Variants in SRGAP1 observed in about 807,000 individuals in gnomAD.
SRGAP1 encodes SLIT-ROBO Rho GTPase-activating protein 1.
Under a neutral mutation model 121.9 loss-of-function variants are expected in SRGAP1, and 43 were observed. The ratio of observed to expected loss-of-function variants is 0.35; its 90% CI spans 0.28 to 0.46. SRGAP1 has a LOEUF of 0.46. Ranked by LOEUF, SRGAP1 falls within the 20% of genes least tolerant of loss-of-function variation. SRGAP1 has a pLI of 1.00. For synonymous variants in SRGAP1, 447 were observed against 485.4 expected, an observed-to-expected ratio of 0.92 and a Z score of 1.04; for missense variants, 1,102 against 1,350.9, an observed-to-expected ratio of 0.82 and a Z score of 2.89.
chr12:63,950,749 T>G (rs551588407), intron 1 of SRGAP1, among the ~76,000 whole-genome samples: 4 of 152,216 alleles, frequency 2.6e-5, no homozygotes, highest in Non-Finnish European at 5.9e-5. Context: ...TGACATTCTC[T>G]AAATGGAGCA....
intron 1 of SRGAP1, among the ~76,000 whole-genome samples, chr12:63,866,038 G>C (rs567508745): frequency 6.8e-6 from 1 of 148,064 alleles, no homozygotes; most frequent in South Asian, 2.2e-4. Flanking sequence ...AGTAAGAGAA[G>C]ACAACACTTC....
intron 1 of SRGAP1, among the ~76,000 whole-genome samples, chr12:63,963,131 G>A (rs1279124342): frequency 6.6e-6 from 1 of 152,100 alleles, no homozygotes; most frequent in Non-Finnish European, 1.5e-5. Flanking sequence ...TGTATGGGAT[G>A]AATATGTTCA....
At chr12:64,003,534 ATAAC>A (rs1169891808) in intron 3 of SRGAP1, among the ~76,000 whole-genome samples, 1 of 151,904 alleles carries the variant, frequency 6.6e-6, no homozygotes, top group African/African-American at 2.4e-5. Context: ...GAAAAATGCT[ATAAC>A]TAAAACAACA....
intron 4 of SRGAP1, among the ~76,000 whole-genome samples, chr12:64,040,624 A>G (rs1250440524): frequency 1.3e-5 from 2 of 152,190 alleles, no homozygotes; most frequent in African/African-American, 4.8e-5. Context: ...TTATATTGGA[A>G]AAATTATGAT....
intron 8 of SRGAP1, among the ~76,000 whole-genome samples, chr12:64,074,682 A>G (rs2035702332): frequency 6.6e-6 from 1 of 152,146 alleles, no homozygotes. Context: ...CTGTTTTCTT[A>G]CATGTTTGTC....
chr12:63,861,729 G>A (rs866765673), intron 1 of SRGAP1, among the ~76,000 whole-genome samples: 2 of 152,038 alleles, frequency 1.3e-5, no homozygotes, highest in African/African-American at 4.8e-5. Context: ...GGCTTATTCC[G>A]TAATCCCAAC....
intron 1 of SRGAP1, among the ~76,000 whole-genome samples, chr12:63,891,362 C>G (rs867809155): frequency 3.3e-5 from 5 of 152,212 alleles, no homozygotes; most frequent in Admixed American, 6.5e-5. Context: ...TCATACCGTT[C>G]TTTCCTACCA....
At chr12:64,119,014 T>G (rs1017615917) in intron 18 of SRGAP1, among the ~76,000 whole-genome samples, 2 of 152,156 alleles carry the variant, frequency 1.3e-5, no homozygotes, top group Admixed American at 6.5e-5. Flanking sequence ...GCCCCATATA[T>G]TCTTTTAAAT....
At chr12:63,867,826 T>C (rs1374052466) in intron 1 of SRGAP1, among the ~76,000 whole-genome samples, 2 of 151,462 alleles carry the variant, frequency 1.3e-5, no homozygotes, top group East Asian at 3.9e-4. Context: ...CAGATTAAAA[T>C]CTTGCAAAGC....
chr12:64,033,656 TG>T (rs1488182307), intron 4 of SRGAP1, among the ~76,000 whole-genome samples: 1 of 150,898 alleles, frequency 6.6e-6, no homozygotes, highest in Non-Finnish European at 1.5e-5. Context: ...AGGCGGAGGT[TG>T]CAGTGAGCCG....
rs780416426 is a variant in SRGAP1, at chr12:64,127,655, C to T, written c.2471C>T (p.Thr824Met). ...AGTGAGGCCAGCAGTGGGCCAGTCA[C>T]GGAAGACAAGTCCTCATCCAAGGAC... Reference protein sequence around the residue: ...ADSEASSGPVTEDKSSSKDMN... With the variant: ...ADSEASSGPVMEDKSSSKDMN... Residue 824 changes from threonine (T) to methionine (M), a missense_variant, in exon 20 of 22, where the codon ACG becomes ATG. Around this residue, in one of 3 missense-constraint regions of SRGAP1, gnomAD observed 40 missense variants for 78.4 expected, o/e 0.51. Transcript: ENST00000355086. The T allele has an allele frequency of 1.1e-5, 18 of 1,614,054 alleles. No individual in the cohort carries two copies. The highest frequency in any genetic ancestry group is 4.4e-5 in the South Asian group (4 of 91,074).
At chr12:64,017,352 G>T (rs571555867) in intron 4 of SRGAP1, among the ~76,000 whole-genome samples, 1 of 152,090 alleles carries the variant, frequency 6.6e-6, no homozygotes, top group East Asian at 1.9e-4. Context: ...TATTGAATTC[G>T]AGAATATTTT....
chr12:63,864,653 T>C (rs1294312986), intron 1 of SRGAP1, among the ~76,000 whole-genome samples: 1 of 152,208 alleles, frequency 6.6e-6, no homozygotes, highest in Non-Finnish European at 1.5e-5. Flanking sequence ...TATGTGAAAG[T>C]ATTACCACTT....
At chr12:63,948,883 CATAT>C (rs60933928) in intron 1 of SRGAP1, among the ~76,000 whole-genome samples, 1,433 of 58,812 alleles carry the variant, frequency 0.024, 35 homozygotes, top group Non-Finnish European at 0.036. Context: ...ATATATTTTC[CATAT>C]ATATATATTC....
chr12:63,924,918 A>G (rs2031199731), intron 1 of SRGAP1, among the ~76,000 whole-genome samples: 1 of 152,190 alleles, frequency 6.6e-6, no homozygotes, highest in Non-Finnish European at 1.5e-5. Flanking sequence ...TAAGAAATGA[A>G]TTAATTTAAA....
chr12:64,025,886 G>C (rs2034642860), intron 4 of SRGAP1, among the ~76,000 whole-genome samples: 1 of 152,054 alleles, frequency 6.6e-6, no homozygotes, highest in African/African-American at 2.4e-5. Context: ...AGAATGATCG[G>C]GATTAATAAA....
intron 1 of SRGAP1, among the ~76,000 whole-genome samples, chr12:63,954,207 A>G (rs1461130070): frequency 6.6e-6 from 1 of 152,230 alleles, no homozygotes; most frequent in African/African-American, 2.4e-5. Context: ...AGTTTTATAT[A>G]ACTCTATTAG....
In SRGAP1 at chr12:63,853,799, G is replaced by GT. The variant is rs554856202; in HGVS notation, c.67+8917dup. Among the ~76,000 whole-genome samples, 393 of 152,338 alleles carry GT rather than the reference G, an allele frequency of 2.6e-3. 4 individuals are homozygous for GT. Among genetic ancestry groups the GT allele is most frequent in the Middle Eastern group, 0.01 (3 of 294 alleles). The stretch of plus-strand genomic sequence containing the variant: ...CCTTTGGTAAATTTTCAGGCTAAAT[G>GT]TAAGAATCTGACTTTCAACTCCACC... On this transcript the variant is annotated intron_variant, in intron 1 of 21. Coordinates refer to ENST00000355086, the MANE Select transcript of SRGAP1 (RefSeq NM_020762.4).
chr12:63,860,874 G>A (rs1431839186), intron 1 of SRGAP1, among the ~76,000 whole-genome samples: 2 of 150,712 alleles, frequency 1.3e-5, no homozygotes, highest in Admixed American at 6.6e-5. Flanking sequence ...TGCCCAGACT[G>A]GAGTGCAGTG....
Sources: allele counts gnomAD v4.1 joint callset (sites outside exome capture counted in the v4.1 genomes callset), GRCh38; gene constraint gnomAD v4.1.1; regional missense constraint gnomAD v4.1.1; transcripts MANE v1.5; gene names NCBI Gene and HGNC (gene_info 2026-07-23, HGNC 2026-07-21).